TNFAIP8: variants seen among roughly 807,000 people sequenced by gnomAD.
TNFAIP8 encodes TNF alpha induced protein 8.
In TNFAIP8, 7 loss-of-function variants were observed where a neutral mutation model predicts 13.3. That is an observed-to-expected ratio of 0.52 (90% confidence interval 0.30 to 0.99). TNFAIP8 has a LOEUF of 0.99. Among genes scored for constraint, TNFAIP8 ranks in the 50% least tolerant of loss-of-function variants. TNFAIP8 has a pLI of 0.07. For missense variants in TNFAIP8, 258 were observed against 236.9 expected, an observed-to-expected ratio of 1.09 and a Z score of -0.58; for synonymous variants, 94 against 87.6, an observed-to-expected ratio of 1.07 and a Z score of -0.41.
In TNFAIP8 at chr5:119,285,814, C is replaced by A. The variant is rs79141318; in HGVS notation, c.1+16907C>A. Among the ~76,000 whole-genome samples, 954 of 152,284 alleles carry A rather than the reference C, an allele frequency of 6.3e-3. 12 individuals are homozygous for A. Among genetic ancestry groups the A allele is most frequent in the East Asian group, 0.061 (318 of 5,172 alleles). On this transcript the variant is annotated intron_variant, in intron 1 of 1. Transcript: ENST00000274456. ...TCAGCTGCTTACATACATGAGGGTG[C>A]TTCCTTGAGATGAAACACTGTGCAG...
At chr5:119,307,503 G>A (rs1379498395) in intron 1 of TNFAIP8, among the ~76,000 whole-genome samples, 4 of 152,044 alleles carry the variant, frequency 2.6e-5, no homozygotes, top group Non-Finnish European at 5.9e-5. Flanking sequence ...CTTCTGCCAA[G>A]GTTCCTTGTA....
intron 1 of TNFAIP8, among the ~76,000 whole-genome samples, chr5:119,337,669 GC>G (rs1750599565): frequency 6.6e-6 from 1 of 152,230 alleles, no homozygotes; most frequent in African/African-American, 2.4e-5. Context: ...TTAATGCGGG[GC>G]TGCCGTGAGC....
chr5:119,381,278 C>T (rs916648503), intron 1 of TNFAIP8, among the ~76,000 whole-genome samples: 6 of 152,200 alleles, frequency 3.9e-5, no homozygotes, highest in South Asian at 4.1e-4. Flanking sequence ...CCGTGGTTCA[C>T]GCTTGTAATC....
intron 1 of TNFAIP8, among the ~76,000 whole-genome samples, chr5:119,293,097 A>G (rs1749049396): frequency 6.6e-6 from 1 of 152,148 alleles, no homozygotes; most frequent in Non-Finnish European, 1.5e-5. Flanking sequence ...TAAAAACTGT[A>G]TATACATGTG....
chr5:119,311,418 G>A (rs527608711), intron 1 of TNFAIP8, among the ~76,000 whole-genome samples: 17 of 151,962 alleles, frequency 1.1e-4, no homozygotes, highest in East Asian at 1.9e-4. Flanking sequence ...TGGGCTGGGC[G>A]TGGTGGCTCA....
intron 1 of TNFAIP8, among the ~76,000 whole-genome samples, chr5:119,301,339 C>G (rs1017941214): frequency 1.3e-5 from 2 of 152,264 alleles, no homozygotes; most frequent in South Asian, 4.1e-4. Context: ...TGGCTTGTTC[C>G]CAGTGACTAT....
chr5:119,269,861 A>G (rs774170352), intron 1 of TNFAIP8, among the ~76,000 whole-genome samples: 25 of 152,160 alleles, frequency 1.6e-4, no homozygotes, highest in Non-Finnish European at 3.2e-4. Context: ...TAAAAAGTTA[A>G]TTGGAAGCTA....
At chr5:119,389,176 TATTA>T (rs1235253326) in intron 1 of TNFAIP8, among the ~76,000 whole-genome samples, 1 of 152,108 alleles carries the variant, frequency 6.6e-6, no homozygotes, top group African/African-American at 2.4e-5. Context: ...GAAGGGATGC[TATTA>T]ATTGAGATCA....
intron 1 of TNFAIP8, among the ~76,000 whole-genome samples, chr5:119,276,188 G>T (rs1307982234): frequency 2.0e-5 from 3 of 151,692 alleles, no homozygotes; most frequent in South Asian, 4.1e-4. Flanking sequence ...TGCAAACTTG[G>T]CTCACTGCAA....
intron 1 of TNFAIP8, among the ~76,000 whole-genome samples, chr5:119,358,494 A>G (rs1751520614): frequency 6.6e-6 from 1 of 152,244 alleles, no homozygotes; most frequent in Non-Finnish European, 1.5e-5. Flanking sequence ...GTGCTTGGGT[A>G]TTAAACAGAG....
At position 119,392,813 on chromosome 5, in the gene TNFAIP8, T is replaced by TA; in HGVS notation, c.32-2dup. On this transcript the variant is annotated splice_polypyrimidine_tract_variant and splice_region_variant and intron_variant, in intron 1 of 1. Transcript: ENST00000504771. ...TTCTTTTCCTCTCTTTTTTTTTTTT[T>TA]AGTGGCCACAGATGTCTTTAATTCC... 5 of 1,501,762 alleles carry TA rather than the reference T, an allele frequency of 3.3e-6. No homozygotes were observed. The highest frequency in any genetic ancestry group is 4.4e-6 in the Non-Finnish European group (5 of 1,126,838). 93.0% of individuals were successfully genotyped at this position (1,501,762 alleles called of 1,614,324 possible).
At chr5:119,281,306 ACTCT>A (rs34012819) in intron 1 of TNFAIP8, among the ~76,000 whole-genome samples, 2 of 114,128 alleles carry the variant, frequency 1.8e-5, no homozygotes, top group South Asian at 3.3e-4. Flanking sequence ...ACACACACAC[ACTCT>A]CTCTCTCTCA....
At chr5:119,373,741 C>T (rs1233714280) in intron 1 of TNFAIP8, among the ~76,000 whole-genome samples, 1 of 152,086 alleles carries the variant, frequency 6.6e-6, no homozygotes, top group African/African-American at 2.4e-5. Flanking sequence ...TTTAGGAGGT[C>T]CCAGGTATAG....
upstream of TNFAIP8, chr5:119,355,312 C>T: frequency 4.3e-6 from 3 of 701,740 alleles, no homozygotes; most frequent in Middle Eastern, 2.5e-4. Context: ...AATGAGTGCC[C>T]GGGCTGTGCT....
In TNFAIP8 at chr5:119,282,139, G is replaced by C. The variant is rs200551219; in HGVS notation, c.1+13232G>C. On this transcript the variant is annotated intron_variant, in intron 1 of 1. Transcript: ENST00000274456. Reference sequence around the variant, plus strand: ...ATTCCAGTACTGTAACTAGTGAGCTGTTATGTTACCAAATCTGAGTGTGTG... The same window carrying C: ...ATTCCAGTACTGTAACTAGTGAGCTCTTATGTTACCAAATCTGAGTGTGTG... Among the ~76,000 whole-genome samples, 32 of 152,274 alleles carry C rather than the reference G, an allele frequency of 2.1e-4. 1 individual carries two copies. The East Asian group carries it at 6.0e-3, about 28-fold the overall frequency.
chr5:119,322,065 G>A (rs1049402050), intron 1 of TNFAIP8, among the ~76,000 whole-genome samples: 1 of 152,076 alleles, frequency 6.6e-6, no homozygotes, highest in Non-Finnish European at 1.5e-5. Flanking sequence ...CCTATAGATT[G>A]TTCCTTGGCT....
At position 119,395,738 on chromosome 5, in the gene TNFAIP8, A is replaced by G. The variant is rs1753057999; in HGVS notation, c.*2357A>G. ...GATTAGCAAGTTCATTTCTAATACA[A>G]TAGGACTCCCCTTGAGCATTTAGGG... On this transcript the variant is annotated 3_prime_UTR_variant, in exon 2 of 2. Coordinates refer to ENST00000504771, the MANE Select transcript of TNFAIP8 (RefSeq NM_014350.4). 1 of 152,196 alleles carries G rather than the reference A, an allele frequency of 6.6e-6. No homozygotes were observed. Among genetic ancestry groups the G allele is most frequent in the South Asian group, 2.1e-4 (1 of 4,832 alleles). The allele number at this position is 152,196 out of a possible 1,614,324, so 9.4% of individuals were successfully genotyped here.
At chr5:119,371,108 A>G (rs1046752176) in intron 1 of TNFAIP8, among the ~76,000 whole-genome samples, 1 of 152,240 alleles carries the variant, frequency 6.6e-6, no homozygotes, top group Non-Finnish European at 1.5e-5. Context: ...GGGGTAGCAT[A>G]CATGGTTTTA....
intron 1 of TNFAIP8, among the ~76,000 whole-genome samples, chr5:119,330,421 A>T (rs1166218581): frequency 6.6e-6 from 1 of 152,186 alleles, no homozygotes; most frequent in Non-Finnish European, 1.5e-5. Context: ...GGATGTGGGT[A>T]GCTATAAAGG....
Sources: allele counts gnomAD v4.1 joint callset (sites outside exome capture counted in the v4.1 genomes callset), GRCh38; gene constraint gnomAD v4.1.1; transcripts MANE v1.5; gene names NCBI Gene and HGNC (gene_info 2026-07-23, HGNC 2026-07-21).